Variants in MIPOL1 observed in about 807,000 individuals in gnomAD.
MIPOL1 encodes the protein mirror-image polydactyly 1.
A neutral mutation model predicts 60.9 loss-of-function variants in MIPOL1; 57 were observed. The observed-to-expected ratio is 0.94, with a 90% CI of 0.76 to 1.17. MIPOL1 has a LOEUF of 1.17. MIPOL1 is among the 50% of genes most tolerant of loss of function. MIPOL1 has a pLI of 0.00. For synonymous variants in MIPOL1, 179 were observed against 168.8 expected, an observed-to-expected ratio of 1.06 and a Z score of -0.47; for missense variants, 551 against 511.6, an observed-to-expected ratio of 1.08 and a Z score of -0.74.
chr14:37,304,956 T>A (rs1208794358), intron 7 of MIPOL1, among the ~76,000 whole-genome samples: 1 of 151,852 alleles, frequency 6.6e-6, no homozygotes, highest in Non-Finnish European at 1.5e-5. Flanking sequence ...AATTTATAGT[T>A]CATCAGATAT....
At chr14:37,436,851 A>G (rs1159757983) in intron 11 of MIPOL1, among the ~76,000 whole-genome samples, 2 of 152,172 alleles carry the variant, frequency 1.3e-5, no homozygotes, top group Non-Finnish European at 2.9e-5. Flanking sequence ...ATTATATGTG[A>G]GGTAGCTAGA....
In MIPOL1 at chr14:37,382,334, G is replaced by A. The variant is rs192367378; in HGVS notation, c.936+12710G>A. ...ATTTGTTAGATCTTAAAACTTAAGCGTTCTTTCTTAACTAAAAATATATTT... is the reference window on the plus strand; with the variant it reads ...ATTTGTTAGATCTTAAAACTTAAGCATTCTTTCTTAACTAAAAATATATTT... On this transcript the variant is annotated intron_variant, in intron 10 of 12. Coordinates refer to ENST00000684589, the MANE Select transcript of MIPOL1 (RefSeq NM_001388067.1). Among the ~76,000 whole-genome samples, 89 of 151,982 alleles carry A rather than the reference G, an allele frequency of 5.9e-4. No individual in the cohort carries two copies. In the East Asian group the frequency reaches 0.012, roughly 21 times the overall value.
intron 10 of MIPOL1, among the ~76,000 whole-genome samples, chr14:37,421,516 G>A (rs896133544): frequency 6.6e-6 from 1 of 152,018 alleles, no homozygotes; most frequent in African/African-American, 2.4e-5. Flanking sequence ...TGCATTCTTT[G>A]ACGTTAAGAA....
chr14:37,307,780 C>G (rs1267397810), intron 7 of MIPOL1, among the ~76,000 whole-genome samples: 1 of 152,010 alleles, frequency 6.6e-6, no homozygotes, highest in Non-Finnish European at 1.5e-5. Context: ...CACTGGGGAA[C>G]TTTCTTCATC....
At chr14:37,394,152 GGTTA>G (rs1187114317) in intron 10 of MIPOL1, among the ~76,000 whole-genome samples, 7 of 140,390 alleles carry the variant, frequency 5.0e-5, no homozygotes, top group East Asian at 4.4e-4. Flanking sequence ...TGGGTATTTG[GGTTA>G]GTTCCACAAT....
chr14:37,236,458 A>ATTC (rs1299491252), intron 1 of MIPOL1, among the ~76,000 whole-genome samples: 1 of 151,456 alleles, frequency 6.6e-6, no homozygotes, highest in African/African-American at 2.4e-5. Context: ...TATTATTATT[A>ATTC]TTTTTGAGAC....
intron 10 of MIPOL1, among the ~76,000 whole-genome samples, chr14:37,388,969 G>GA (rs900682000): frequency 2.6e-5 from 4 of 151,534 alleles, no homozygotes; most frequent in East Asian, 1.9e-4. Flanking sequence ...AGGCTAGAAG[G>GA]AAAAAAAAGT....
intron 11 of MIPOL1, among the ~76,000 whole-genome samples, chr14:37,468,342 TTA>T (rs2094630028): frequency 6.6e-6 from 1 of 152,146 alleles, no homozygotes; most frequent in South Asian, 2.1e-4. Context: ...CACAATGATA[TTA>T]TAGTAATGAG....
intron 12 of MIPOL1, among the ~76,000 whole-genome samples, chr14:37,530,610 T>C (rs1185057278): frequency 6.6e-6 from 1 of 152,192 alleles, no homozygotes; most frequent in Non-Finnish European, 1.5e-5. Context: ...ATAAGAGCTG[T>C]ATCTCAAGCC....
intron 11 of MIPOL1, among the ~76,000 whole-genome samples, chr14:37,474,549 C>T (rs2094739787): frequency 6.6e-6 from 1 of 152,188 alleles, no homozygotes; most frequent in African/African-American, 2.4e-5. Context: ...CATTCACCTT[C>T]AGCCATGATT....
rs1198369376 is a variant in MIPOL1, at chr14:37,285,344, C to T, written c.520C>T (p.Gln174Ter). ...AALVEEVYFA[Q>*]KERDEAVMSR... Reference sequence around the variant, plus strand: ...TCTGGTTGAAGAAGTGTATTTTGCGCAGAAGGAACGTGATGAAGCTGTTAT... The same window carrying T: ...TCTGGTTGAAGAAGTGTATTTTGCGTAGAAGGAACGTGATGAAGCTGTTAT... The change falls in exon 7 of 13, where the codon CAG (glutamine) becomes TAG (stop). Residue 174 changes from glutamine (Q) to a stop codon, truncating the protein, a stop_gained. Coordinates refer to ENST00000684589, the MANE Select transcript of MIPOL1 (RefSeq NM_001388067.1). LOFTEE classifies it high-confidence loss of function. 6.2e-7 allele frequency: 1 copy of T among 1,613,852 alleles called. No homozygotes were observed. The highest frequency in any genetic ancestry group is 1.7e-5 in the Admixed American group (1 of 59,970).
chr14:37,447,753 G>C (rs1240849350), intron 11 of MIPOL1, among the ~76,000 whole-genome samples: 1 of 152,118 alleles, frequency 6.6e-6, no homozygotes, highest in Non-Finnish European at 1.5e-5. Flanking sequence ...CTGGCAGCTA[G>C]AGTCAACATA....
intron 7 of MIPOL1, among the ~76,000 whole-genome samples, chr14:37,298,497 C>T (rs538909634): frequency 7.9e-5 from 12 of 152,210 alleles, no homozygotes; most frequent in African/African-American, 2.4e-4. Context: ...AAGAAACCAC[C>T]ATCAGAGTGA....
intron 7 of MIPOL1, among the ~76,000 whole-genome samples, chr14:37,291,914 ATTTTTTTTTTTT>A (rs57230205): frequency 1.4e-4 from 13 of 92,978 alleles, no homozygotes; most frequent in African/African-American, 5.9e-4. Flanking sequence ...AATGGCAATA[ATTTTTTTTTTTT>A]TTTTTTTTTT....
At chr14:37,200,900 AT>A (rs60919541) in intron 1 of MIPOL1, among the ~76,000 whole-genome samples, 829 of 53,926 alleles carry the variant, frequency 0.015, 29 homozygotes, top group East Asian at 0.078. Flanking sequence ...GTGTGTGTGT[AT>A]TTTTTTTTTT....
At chr14:37,381,108 T>G (rs1196527411) in intron 10 of MIPOL1, among the ~76,000 whole-genome samples, 2 of 152,066 alleles carry the variant, frequency 1.3e-5, no homozygotes, top group African/African-American at 4.8e-5. Flanking sequence ...ATTGTTTTCA[T>G]AAGAAAATGT....
At chr14:37,523,428 A>G in intron 12 of MIPOL1, 2 of 373,138 alleles carry the variant, frequency 5.4e-6, no homozygotes, top group Non-Finnish European at 9.6e-6. Flanking sequence ...TAGATGAGTT[A>G]TAATAGCTAA....
chr14:37,509,590 A>C (rs1244177374), intron 12 of MIPOL1, among the ~76,000 whole-genome samples: 1 of 151,732 alleles, frequency 6.6e-6, no homozygotes, highest in Non-Finnish European at 1.5e-5. Flanking sequence ...ATATATGTAC[A>C]TATATAGTAC....
intron 11 of MIPOL1, among the ~76,000 whole-genome samples, chr14:37,460,743 T>G (rs2094529686): frequency 6.6e-6 from 1 of 152,032 alleles, no homozygotes; most frequent in African/African-American, 2.4e-5. Flanking sequence ...AATCAAGAAC[T>G]CAGTCCCATT....
Sources: gnomAD v4.1 joint callset for allele counts (sites outside exome capture counted in the v4.1 genomes callset) on GRCh38, gnomAD v4.1.1 for gene constraint, MANE v1.5 for transcripts, NCBI Gene and HGNC (gene_info 2026-07-23, HGNC 2026-07-21) for gene names.